The following SLC4A7 variants were observed in gnomAD, a reference collection of about 807,000 sequenced individuals.
SLC4A7 encodes sodium bicarbonate cotransporter 3.
SLC4A7 carries 51 observed loss-of-function variants against 137.6 expected under a neutral mutation model. The ratio of observed to expected loss-of-function variants is 0.37; its 90% CI spans 0.30 to 0.47. The LOEUF (loss-of-function observed/expected upper bound fraction) is 0.47, where lower values mean the gene tolerates loss of function less well. Among genes scored for constraint, SLC4A7 ranks in the 20% least tolerant of loss-of-function variants. The pLI is 1.00. For missense variants in SLC4A7, 1,247 were observed against 1,525.4 expected (o/e 0.82, Z 3.04); for synonymous variants, 542 against 518.6 (o/e 1.05, Z -0.61).
intron 1 of SLC4A7, among the ~76,000 whole-genome samples, chr3:27,460,661 T>C (rs567585484): frequency 6.6e-6 from 1 of 152,330 alleles, no homozygotes; most frequent in African/African-American, 2.4e-5. Context: ...CCTTTCTCAT[T>C]TTCATTTAAG....
chr3:27,405,643 A>G (rs1242219189), intron 13 of SLC4A7, among the ~76,000 whole-genome samples: 2 of 152,200 alleles, frequency 1.3e-5, no homozygotes, highest in Non-Finnish European at 2.9e-5. Context: ...TCAACATGTG[A>G]CTATCTTTCT....
intron 10 of SLC4A7, among the ~76,000 whole-genome samples, chr3:27,420,427 A>T (rs939109384): frequency 6.6e-6 from 1 of 152,118 alleles, no homozygotes; most frequent in Admixed American, 6.6e-5. Flanking sequence ...AGGATAAAAA[A>T]AATCCCAAAA....
At chr3:27,465,752 G>A (rs776951816) in intron 1 of SLC4A7, among the ~76,000 whole-genome samples, 11 of 151,834 alleles carry the variant, frequency 7.2e-5, no homozygotes, top group African/African-American at 2.4e-4. Context: ...GAGATCAGGA[G>A]ATCGAAACCA....
At chr3:27,392,020 G>A (rs1357264421) in intron 20 of SLC4A7, among the ~76,000 whole-genome samples, 2 of 152,162 alleles carry the variant, frequency 1.3e-5, no homozygotes, top group African/African-American at 2.4e-5. Context: ...AAGGGAGTAT[G>A]TTCACTTAAG....
chr3:27,463,808 G>T (rs1046769185), intron 1 of SLC4A7, among the ~76,000 whole-genome samples: 2 of 152,170 alleles, frequency 1.3e-5, no homozygotes, highest in African/African-American at 2.4e-5. Context: ...CTGTTAGCAG[G>T]ACTCCATCTC....
intron 11 of SLC4A7, among the ~76,000 whole-genome samples, chr3:27,416,502 A>G (rs2054397666): frequency 6.6e-6 from 1 of 152,220 alleles, no homozygotes; most frequent in Non-Finnish European, 1.5e-5. Context: ...ACTAGTACAT[A>G]CATATATTTT....
intron 5 of SLC4A7, 109 bp downstream of exon 5, chr3:27,436,279 T>C: frequency 1.4e-6 from 1 of 707,228 alleles, no homozygotes. Context: ...TTCTATCTTA[T>C]TTCCTTATAC....
chr3:27,442,718 G>T (rs895279388), intron 3 of SLC4A7, among the ~76,000 whole-genome samples: 3 of 152,244 alleles, frequency 2.0e-5, no homozygotes, highest in African/African-American at 7.2e-5. Flanking sequence ...ACATGGCAGG[G>T]AAAGATTAGG....
At chr3:27,417,476 G>A (rs544278036) in intron 11 of SLC4A7, among the ~76,000 whole-genome samples, 14 of 152,248 alleles carry the variant, frequency 9.2e-5, no homozygotes, top group African/African-American at 2.9e-4. Flanking sequence ...TTAAAAGGCC[G>A]GAAGCAGTGG....
chr3:27,463,732 G>T (rs191961070), intron 1 of SLC4A7, among the ~76,000 whole-genome samples: 1 of 152,164 alleles, frequency 6.6e-6, no homozygotes, highest in Non-Finnish European at 1.5e-5. Context: ...CATTTGCAGC[G>T]GGGAAGAGCC....
chr3:27,479,630 T>C (rs2059628333), intron 1 of SLC4A7, among the ~76,000 whole-genome samples: 1 of 152,150 alleles, frequency 6.6e-6, no homozygotes, highest in African/African-American at 2.4e-5. Context: ...TTGTCACCAT[T>C]ATAATTGCAA....
At chr3:27,416,861 T>C (rs1368318181) in intron 11 of SLC4A7, among the ~76,000 whole-genome samples, 1 of 152,212 alleles carries the variant, frequency 6.6e-6, no homozygotes, top group Non-Finnish European at 1.5e-5. Flanking sequence ...AGACACTCCA[T>C]GTTTTTGAAT....
At chr3:27,448,590 G>A (rs2057844893) in intron 3 of SLC4A7, 61 bp downstream of exon 3, 1 of 1,422,690 alleles carries the variant, frequency 7.0e-7, no homozygotes, top group South Asian at 1.3e-5. Context: ...TCAATTAAAA[G>A]AAAATACTTT....
Position 27,447,640 on chromosome 3 carries a change from CTTTTTTTTTT to C in SLC4A7, c.289+1001_289+1010del, listed in dbSNP as rs71087609. 9.6e-4 allele frequency among the ~76,000 whole-genome samples: 96 copies of C among 99,720 alleles called. 1 individual carries two copies. Among genetic ancestry groups the C allele is most frequent in the Non-Finnish European group, 1.6e-3 (84 of 53,830 alleles). The allele number at this position is 99,720 out of a possible 152,430, so 65.4% of individuals were successfully genotyped here. On this transcript the variant is annotated intron_variant, in intron 3 of 25. Transcript: ENST00000454389. ...AGAATCCTCCTCAGGTTTTACAGCCCTTTTTTTTTTTTTTTTTTTTTTTGGCTCTTTCCTT... is the reference window on the plus strand; with the variant it reads ...AGAATCCTCCTCAGGTTTTACAGCCCTTTTTTTTTTTTTGGCTCTTTCCTT...
chr3:27,389,264 T>C (rs2051289014), intron 22 of SLC4A7, among the ~76,000 whole-genome samples: 1 of 152,178 alleles, frequency 6.6e-6, no homozygotes, highest in Admixed American at 6.5e-5. Context: ...AACTGTTTTC[T>C]ATTCAGAAAT....
At chr3:27,388,661 G>T (rs2051219988) in intron 22 of SLC4A7, among the ~76,000 whole-genome samples, 1 of 152,048 alleles carries the variant, frequency 6.6e-6, no homozygotes, top group Admixed American at 6.5e-5. Flanking sequence ...ATCTATTTTT[G>T]TATAGCCTAT....
At chr3:27,445,364 G>T (rs1017541212) in intron 3 of SLC4A7, among the ~76,000 whole-genome samples, 1 of 151,966 alleles carries the variant, frequency 6.6e-6, no homozygotes, top group Non-Finnish European at 1.5e-5. Flanking sequence ...GCTCTGTTTG[G>T]GTTCCCCTCC....
At chr3:27,428,496 A>G (rs1176355173) in intron 7 of SLC4A7, among the ~76,000 whole-genome samples, 1 of 152,234 alleles carries the variant, frequency 6.6e-6, no homozygotes, top group Non-Finnish European at 1.5e-5. Context: ...TACTTCCAAA[A>G]GTATATCCTT....
intron 11 of SLC4A7, among the ~76,000 whole-genome samples, chr3:27,417,104 C>T (rs1326978715): frequency 2.0e-5 from 3 of 152,102 alleles, no homozygotes; most frequent in Non-Finnish European, 2.9e-5. Flanking sequence ...CAAAAAGCCT[C>T]AAAAATTGGA....
Sources: gnomAD v4.1 joint callset for allele counts (sites outside exome capture counted in the v4.1 genomes callset) on GRCh38, gnomAD v4.1.1 for gene constraint, MANE v1.5 for transcripts, NCBI Gene and HGNC (gene_info 2026-07-23, HGNC 2026-07-21) for gene names.